The following HMGCLL1 variants were observed in gnomAD, a reference collection of about 807,000 sequenced individuals.
HMGCLL1 encodes the protein 3-hydroxymethyl-3-methylglutaryl-CoA lyase, cytoplasmic.
HMGCLL1 carries 36 observed loss-of-function variants against 39.1 expected under a neutral mutation model. That is an observed-to-expected ratio of 0.92 (90% confidence interval 0.71 to 1.22). The LOEUF (loss-of-function observed/expected upper bound fraction) is 1.22. Ranked by LOEUF, HMGCLL1 falls within the 50% of genes most tolerant of loss-of-function variation. HMGCLL1 has a pLI of 0.00. For missense variants in HMGCLL1, 451 were observed against 416.5 expected, an observed-to-expected ratio of 1.08 and a Z score of -0.72; for synonymous variants, 149 against 144.0, an observed-to-expected ratio of 1.03 and a Z score of -0.25.
At chr6:55,637,968 C>T in the HMGCLL1 span, among the ~76,000 whole-genome samples, 1 of 152,004 alleles carries the variant, frequency 6.6e-6, no homozygotes, top group Non-Finnish European at 1.5e-5. Context: ...ATATTACTGT[C>T]AAATGTTGAA....
the HMGCLL1 span, among the ~76,000 whole-genome samples, chr6:55,610,979 A>G: frequency 6.6e-6 from 1 of 152,144 alleles, no homozygotes; most frequent in Non-Finnish European, 1.5e-5. Flanking sequence ...TTCACATGGC[A>G]TTTACTCAAA....
chr6:55,676,971 G>A, the HMGCLL1 span, among the ~76,000 whole-genome samples: 1 of 152,210 alleles, frequency 6.6e-6, no homozygotes, highest in Non-Finnish European at 1.5e-5. Flanking sequence ...ACAGCAACTA[G>A]CACATAGTTA....
chr6:55,669,032 G>A, the HMGCLL1 span, among the ~76,000 whole-genome samples: 4 of 151,052 alleles, frequency 2.6e-5, no homozygotes. Context: ...AGTAATAGAA[G>A]TGGACAATTT....
rs142693498 is a variant in HMGCLL1, at chr6:55,476,116, C to T, written c.795+19303G>A. On this transcript the variant is annotated intron_variant, in intron 7 of 8. Coordinates refer to ENST00000274901, the MANE Select transcript of HMGCLL1 (RefSeq NM_001042406.2). ...AGAATCCACTTGTCAATTCCTTGCACACACACAGATCTGCTGAGCTTGCAT... is the reference window on the plus strand; with the variant it reads ...AGAATCCACTTGTCAATTCCTTGCATACACACAGATCTGCTGAGCTTGCAT... Among the ~76,000 whole-genome samples the T allele has an allele frequency of 7.9e-5, 12 of 151,772 alleles. No homozygotes were observed. The East Asian group carries it at 2.3e-3, about 29-fold the overall frequency.
chr6:55,481,228 A>G (rs1421589224), intron 7 of HMGCLL1, among the ~76,000 whole-genome samples: 1 of 151,854 alleles, frequency 6.6e-6, no homozygotes, highest in East Asian at 1.9e-4. Context: ...AAAATACAAA[A>G]ATTATCTAGG....
chr6:55,499,941 C>T (rs1222508785), intron 5 of HMGCLL1, among the ~76,000 whole-genome samples: 1 of 152,036 alleles, frequency 6.6e-6, no homozygotes, highest in Non-Finnish European at 1.5e-5. Context: ...CAAGCATTTC[C>T]TGCAAAGACA....
At chr6:55,486,425 A>G (rs866434082) in intron 7 of HMGCLL1, among the ~76,000 whole-genome samples, 2 of 151,928 alleles carry the variant, frequency 1.3e-5, no homozygotes, top group African/African-American at 4.8e-5. Flanking sequence ...AATTATTCCC[A>G]CAATATTTCG....
At chr6:55,546,346 A>G (rs1253399204) in intron 1 of HMGCLL1, among the ~76,000 whole-genome samples, 1 of 152,170 alleles carries the variant, frequency 6.6e-6, no homozygotes, top group Non-Finnish European at 1.5e-5. Flanking sequence ...AGCCTATTTT[A>G]AAGCATATCT....
intron 5 of HMGCLL1, among the ~76,000 whole-genome samples, chr6:55,507,931 T>C (rs1767253848): frequency 6.6e-6 from 1 of 151,844 alleles, no homozygotes; most frequent in Non-Finnish European, 1.5e-5. Context: ...GCCACCTTTT[T>C]TTTTGGCCTA....
At chr6:55,576,967 A>G in intron 1 of HMGCLL1, 1 of 1,392,150 alleles carries the variant, frequency 7.2e-7, no homozygotes, top group Non-Finnish European at 9.9e-7. Flanking sequence ...AGGGGAATGT[A>G]AGTCTAGAAA....
At chr6:55,627,740 T>C in the HMGCLL1 span, among the ~76,000 whole-genome samples, 1 of 147,048 alleles carries the variant, frequency 6.8e-6, no homozygotes, top group African/African-American at 2.5e-5. Flanking sequence ...CTTTCTCTTG[T>C]GCTGGATGCT....
chr6:55,552,350 C>G (rs911008045), intron 1 of HMGCLL1, among the ~76,000 whole-genome samples: 13 of 152,024 alleles, frequency 8.6e-5, no homozygotes, highest in Non-Finnish European at 1.9e-4. Flanking sequence ...GGTGCATCTT[C>G]TAGGCATTCT....
At chr6:55,565,396 TTTCCAGA>T (rs1243985850) in intron 1 of HMGCLL1, among the ~76,000 whole-genome samples, 1 of 152,098 alleles carries the variant, frequency 6.6e-6, no homozygotes, top group Non-Finnish European at 1.5e-5. Flanking sequence ...ATCATATAAT[TTTCCAGA>T]TTCCTATTAA....
At chr6:55,443,828 C>T (rs1763707617) in intron 7 of HMGCLL1, among the ~76,000 whole-genome samples, 1 of 152,052 alleles carries the variant, frequency 6.6e-6, no homozygotes, top group East Asian at 1.9e-4. Flanking sequence ...AAACACTCTA[C>T]AACTTCAACA....
chr6:55,459,644 G>T (rs2127394744), intron 7 of HMGCLL1, among the ~76,000 whole-genome samples: 1 of 152,080 alleles, frequency 6.6e-6, no homozygotes, highest in East Asian at 1.9e-4. Context: ...ATGTATTTGT[G>T]TTTATTAAGT....
chr6:55,465,043 T>C (rs1181298810), intron 7 of HMGCLL1, among the ~76,000 whole-genome samples: 1 of 152,222 alleles, frequency 6.6e-6, no homozygotes, highest in Non-Finnish European at 1.5e-5. Flanking sequence ...GTGAACATTA[T>C]ATATCTAGTC....
chr6:55,543,103 A>ATATAC, intron 1 of HMGCLL1, among the ~76,000 whole-genome samples: 1 of 25,378 alleles, frequency 3.9e-5, no homozygotes, highest in African/African-American at 1.4e-4. Context: ...AATATAATAT[A>ATATAC]TGATATAATA....
At chr6:55,474,068 T>C (rs1229251776) in intron 7 of HMGCLL1, among the ~76,000 whole-genome samples, 1 of 151,596 alleles carries the variant, frequency 6.6e-6, no homozygotes, top group Non-Finnish European at 1.5e-5. Context: ...GCAGTTTGAA[T>C]ATGATATGCC....
chr6:55,667,485 C>G, the HMGCLL1 span, among the ~76,000 whole-genome samples: 1 of 151,630 alleles, frequency 6.6e-6, no homozygotes, highest in South Asian at 2.1e-4. Context: ...AGTAATTTAT[C>G]CAAGCCTACT....
Sources: allele counts gnomAD v4.1 joint callset (sites outside exome capture counted in the v4.1 genomes callset), GRCh38; gene constraint gnomAD v4.1.1; transcripts MANE v1.5; gene names NCBI Gene and HGNC (gene_info 2026-07-23, HGNC 2026-07-21).